The following OLFML2B variants were observed in gnomAD, a reference collection of about 807,000 sequenced individuals.
OLFML2B encodes the protein olfactomedin like 2B.
Under a neutral mutation model 74.9 loss-of-function variants are expected in OLFML2B, and 57 were observed. That is an observed-to-expected ratio of 0.76 (90% CI 0.61 to 0.95). OLFML2B has a LOEUF of 0.95. OLFML2B is among the 40% of genes least tolerant of loss of function. The pLI, the probability that OLFML2B is intolerant of heterozygous loss-of-function variation, is 0.00. For synonymous variants in OLFML2B, 388 were observed against 405.8 expected, an observed-to-expected ratio of 0.96 and a Z score of 0.53; for missense variants, 986 against 970.6, an observed-to-expected ratio of 1.02 and a Z score of -0.21.
chr1:162,013,144 T>C (rs530309114), intron 3 of OLFML2B, among the ~76,000 whole-genome samples: 2 of 152,184 alleles, frequency 1.3e-5, no homozygotes, highest in South Asian at 4.1e-4. Context: ...CCTTTGGAAG[T>C]TACAGGTTTT....
chr1:161,993,545 T>C (rs374646968), intron 6 of OLFML2B, among the ~76,000 whole-genome samples: 56 of 152,310 alleles, frequency 3.7e-4, no homozygotes, highest in African/African-American at 1.3e-3. Flanking sequence ...AATCTGAATA[T>C]TGTTTCCATG....
chr1:162,016,035 G>A (rs1690525238), intron 3 of OLFML2B, among the ~76,000 whole-genome samples: 1 of 152,192 alleles, frequency 6.6e-6, no homozygotes, highest in Admixed American at 6.5e-5. Flanking sequence ...AAGGGCGGGT[G>A]GAAAAGGAAC....
chr1:162,012,410 C>T (rs1690415744), intron 3 of OLFML2B, among the ~76,000 whole-genome samples: 1 of 152,212 alleles, frequency 6.6e-6, no homozygotes. Flanking sequence ...ACAAAAGCCA[C>T]CAAAGCTTTA....
At chr1:162,022,886 C>T (rs952580376) in intron 1 of OLFML2B, among the ~76,000 whole-genome samples, 4 of 152,168 alleles carry the variant, frequency 2.6e-5, no homozygotes, top group African/African-American at 9.7e-5. Flanking sequence ...TGCCATCTGC[C>T]TCCTGGTCAA....
rs747758915 is a variant in OLFML2B at position 162,021,861 on chromosome 1, C to T, written c.174+1396G>A. Reference sequence around the variant, plus strand: ...GTTTTTGTTGATAGTGTTCCAGAGCCCCAGTGTGAGAGATTTTTATGTCTT... The same window carrying T: ...GTTTTTGTTGATAGTGTTCCAGAGCTCCAGTGTGAGAGATTTTTATGTCTT... On this transcript the variant is annotated intron_variant, in intron 1 of 7. Transcript: ENST00000294794. Among the ~76,000 whole-genome samples, 63 of 152,120 alleles carry T rather than the reference C, an allele frequency of 4.1e-4. 2 individuals carry two copies. In the Middle Eastern group the frequency reaches 0.034, roughly 83 times the overall value.
At chr1:161,996,987 C>T (rs1689928364) in intron 6 of OLFML2B, among the ~76,000 whole-genome samples, 1 of 152,094 alleles carries the variant, frequency 6.6e-6, no homozygotes, top group South Asian at 2.1e-4. Flanking sequence ...GAAAACCCGT[C>T]TCTACTAAAA....
rs867489669 is a variant in OLFML2B at position 161,997,889 on chromosome 1, C to T, written c.1410G>A (p.Trp470Ter). 1.9e-6 allele frequency: 3 copies of T among 1,614,158 alleles called. No individual in the cohort carries two copies. In the African/African-American group the frequency reaches 4.0e-5, roughly 22 times the overall value. Residue 470 changes from tryptophan (W) to a stop codon, truncating the protein, a stop_gained, in exon 6 of 8, where the codon TGG (tryptophan) becomes TGA (stop). Transcript: ENST00000294794. LOFTEE classifies it high-confidence loss of function. ...DSLGKDAPAG[W>*]GTTPASPTLS... is the part of the protein sequence containing the mutation. The stretch of plus-strand genomic sequence containing the variant: ...GCGTGGGGCTGGCAGGGGTTGTTCC[C>T]CACCCAGCAGGAGCATCTTTCCCCA...
rs1481370323 is a variant in OLFML2B, at chr1:161,984,164, G to A, written c.1764C>T (p.Tyr588=). ...NRAFTRNIIK[Y]DLKQRYVAAW... ...CAGCCACGTAGCGCTGCTTCAGGTC[G>A]TACTTGATGATGTTGCGGGTGAAGG... Residue 588 remains tyrosine, a synonymous_variant, in exon 8 of 8, where the codon TAC becomes TAT. Coordinates refer to ENST00000294794, the MANE Select transcript of OLFML2B (RefSeq NM_015441.3). 5.0e-6 allele frequency: 8 copies of A among 1,607,890 alleles called. No homozygotes were observed. Among genetic ancestry groups the A allele is most frequent in the Non-Finnish European group, 6.8e-6 (8 of 1,176,810 alleles).
At chr1:161,998,484 G>C in intron 5 of OLFML2B, 135 bp from the exon 6 acceptor site, 1 of 981,946 alleles carries the variant, frequency 1.0e-6, no homozygotes, top group South Asian at 1.8e-5. Context: ...GAGGGGGCCT[G>C]GCTGGGATTT....
intron 7 of OLFML2B, 78 bp downstream of exon 7, chr1:161,984,726 C>G: frequency 6.9e-7 from 1 of 1,452,074 alleles, no homozygotes; most frequent in South Asian, 1.3e-5. Context: ...CATTACCACC[C>G]AAAGAGGCCT....
At position 162,023,332 on chromosome 1, in the gene OLFML2B, A is replaced by T; in HGVS notation, c.99T>A (p.Asp33Glu). The change falls in exon 1 of 8, where the codon GAT becomes GAA. Residue 33 changes from aspartate (D) to glutamate (E), a missense_variant. Asp to Glu is a conservative substitution (Grantham distance 45). Coordinates refer to ENST00000294794, the MANE Select transcript of OLFML2B (RefSeq NM_015441.3). Reference sequence around the variant, plus strand: ...CCTCCGCAGGCGCCACTGTCTGCGCATCTGGGGGCTCGCTTGTCCCTGTGA... The same window carrying T: ...CCTCCGCAGGCGCCACTGTCTGCGCTTCTGGGGGCTCGCTTGTCCCTGTGA... ...IVLTGTSEPP[D>E]AQTVAPAEDE... 1 of 1,607,998 alleles carries T rather than the reference A, an allele frequency of 6.2e-7. No individual in the cohort carries two copies. Among genetic ancestry groups the T allele is most frequent in the Non-Finnish European group, 8.5e-7 (1 of 1,176,178 alleles).
rs375625030 is a variant in OLFML2B at position 161,984,775 on chromosome 1, G to A, written c.1651+29C>T. Reference sequence around the variant, plus strand: ...ACAGAGGACGTGGGGAAGGGAAGGAGCAGTCTGGGTTGGATCTTTATCATG... The same window carrying A: ...ACAGAGGACGTGGGGAAGGGAAGGAACAGTCTGGGTTGGATCTTTATCATG... On this transcript the variant is annotated intron_variant, in intron 7 of 7. Transcript: ENST00000294794. 3.3e-5 allele frequency: 53 copies of A among 1,604,940 alleles called. No homozygotes were observed. The African/African-American group carries it at 6.4e-4, about 19-fold the overall frequency.
chr1:162,006,235 G>T, intron 4 of OLFML2B, 62 bp downstream of exon 4: 1 of 1,455,296 alleles, frequency 6.9e-7, no homozygotes, highest in Non-Finnish European at 9.2e-7. Flanking sequence ...ATGCAGAGGA[G>T]AGATGCTGAT....
At chr1:162,016,466 C>A (rs931137290) in intron 3 of OLFML2B, among the ~76,000 whole-genome samples, 4 of 152,162 alleles carry the variant, frequency 2.6e-5, no homozygotes, top group African/African-American at 9.7e-5. Flanking sequence ...TCCACTTTTT[C>A]ATAAGGAATA....
chr1:161,997,944 A>G lies in OLFML2B; in HGVS notation c.1355T>C (p.Val452Ala), dbSNP rs1456669786. The G allele has an allele frequency of 1.2e-6, 2 of 1,614,086 alleles. No individual in the cohort carries two copies. Among genetic ancestry groups the G allele is most frequent in the Non-Finnish European group, 1.7e-6 (2 of 1,180,042 alleles). The change falls in exon 6 of 8, where the codon GTG (valine) becomes GCG (alanine). Residue 452 changes from valine to alanine, a missense_variant. By Grantham distance (64) the Val-to-Ala change is moderately conservative (BLOSUM62 0). Transcript: ENST00000294794. ...ALMEAMHTVP[V>A]PPTTVRTDSL... is the part of the protein sequence containing the mutation. ...GTCTGTTCTGACTGTGGTGGGAGGC[A>G]CTGGGACTGTGTGCATAGCTTCCAT...
intron 4 of OLFML2B, among the ~76,000 whole-genome samples, chr1:162,004,130 C>T (rs1230154895): frequency 6.6e-6 from 1 of 152,190 alleles, no homozygotes; most frequent in East Asian, 1.9e-4. Flanking sequence ...GACTGGGAAA[C>T]TGGAAGCCAG....
intron 3 of OLFML2B, among the ~76,000 whole-genome samples, chr1:162,013,752 T>C (rs370730442): frequency 6.6e-6 from 1 of 152,054 alleles, no homozygotes; most frequent in African/African-American, 2.4e-5. Flanking sequence ...ACAATCCACA[T>C]ACCCATCATC....
At chr1:162,004,982 C>T (rs964045914) in intron 4 of OLFML2B, among the ~76,000 whole-genome samples, 1 of 152,190 alleles carries the variant, frequency 6.6e-6, no homozygotes, top group African/African-American at 2.4e-5. Context: ...CCCTGGCTGC[C>T]CAGTGACCCC....
chr1:162,006,302 G>C lies in OLFML2B; in HGVS notation c.718C>G (p.Pro240Ala). The C allele has an allele frequency of 6.3e-7, 1 of 1,581,280 alleles. No homozygotes were observed. The highest frequency in any genetic ancestry group is 8.6e-7 in the Non-Finnish European group (1 of 1,167,488). ...CTTGGAGGCTGGGGCTATACCTCTG[G>C]GTGGGCGTAGGCTGCTGCTGCATCC... Reference protein sequence around the residue: ...QRDAAAAYAHPEYEERFLQEE... With the variant: ...QRDAAAAYAHAEYEERFLQEE... The change falls in exon 4 of 8, where the codon CCA (proline) becomes GCA (alanine). Residue 240 changes from proline (P) to alanine (A), a missense_variant. Pro to Ala is a conservative substitution (Grantham distance 27). Coordinates refer to ENST00000294794, the MANE Select transcript of OLFML2B (RefSeq NM_015441.3).
Sources: gnomAD v4.1 joint callset for allele counts (sites outside exome capture counted in the v4.1 genomes callset) on GRCh38, gnomAD v4.1.1 for gene constraint, MANE v1.5 for transcripts, NCBI Gene and HGNC (gene_info 2026-07-23, HGNC 2026-07-21) for gene names.